The following TRPC5 variants were observed in gnomAD, a reference collection of about 807,000 sequenced individuals.
The protein encoded by TRPC5 is transient receptor potential cation channel subfamily C member 5, also known as short transient receptor potential channel 5.
In TRPC5, 9 loss-of-function variants were observed where a neutral mutation model predicts 56.5. That is an observed-to-expected ratio of 0.16 (90% CI 0.10 to 0.28). The LOEUF (loss-of-function observed/expected upper bound fraction) is 0.28, where lower values mean the gene tolerates loss of function less well. TRPC5 is among the 10% of genes least tolerant of loss of function. The probability of loss-of-function intolerance (pLI) is 1.00; values close to 1 mark genes in which losing one functional copy is unlikely to be tolerated. For synonymous variants in TRPC5, 282 were observed against 278.5 expected (o/e 1.01, Z -0.13); for missense variants, 469 against 748.9 (o/e 0.63, Z 4.36).
chrX:111,799,799 C>T (rs1272581150), intron 7 of TRPC5, among the ~76,000 whole-genome samples: 2 of 111,053 alleles, frequency 1.8e-5, no homozygotes, highest in African/African-American at 6.5e-5. Flanking sequence ...TGAAGGGTTT[C>T]AAGATATGGG....
intron 3 of TRPC5, among the ~76,000 whole-genome samples, chrX:111,911,461 T>G (rs766617575): frequency 8.9e-6 from 1 of 112,458 alleles, no homozygotes; most frequent in South Asian, 3.7e-4. Flanking sequence ...AATTCTATCC[T>G]CAGTTGCTCT....
intron 1 of TRPC5, among the ~76,000 whole-genome samples, chrX:112,026,532 C>T (rs1929416335): frequency 9.0e-6 from 1 of 111,699 alleles, no homozygotes; most frequent in Admixed American, 9.5e-5. Context: ...AAAAGAAGGT[C>T]ATGAAGCTAG....
chrX:111,876,191 T>A (rs1367082818), intron 3 of TRPC5: 1 of 110,956 alleles, frequency 9.0e-6, no homozygotes, highest in Non-Finnish European at 1.9e-5. Flanking sequence ...ATTAGAGAGG[T>A]AAGCCTTTGG....
At chrX:112,041,010 TCTC>T (rs1929877540) in intron 1 of TRPC5, among the ~76,000 whole-genome samples, 1 of 112,196 alleles carries the variant, frequency 8.9e-6, no homozygotes, top group Admixed American at 9.4e-5. Context: ...GTGTAAGACA[TCTC>T]CTTCAGAGTT....
chrX:111,944,859 C>G (rs763959783), intron 2 of TRPC5, among the ~76,000 whole-genome samples: 1 of 110,873 alleles, frequency 9.0e-6, no homozygotes, highest in East Asian at 2.9e-4. Context: ...CCAGAAGAAA[C>G]CAGCCATGCT....
chrX:111,864,409 T>G (rs1923491175), intron 3 of TRPC5, among the ~76,000 whole-genome samples: 1 of 112,701 alleles, frequency 8.9e-6, no homozygotes, highest in African/African-American at 3.2e-5. Flanking sequence ...TGTTGCTGAT[T>G]TTTTTAAACA....
chrX:111,769,023 TAATCTG>T lies in TRPC5; in HGVS notation c.*7284_*7289del, dbSNP rs773067682. Among the ~76,000 whole-genome samples, 1 of 112,169 alleles carries T rather than the reference TAATCTG, an allele frequency of 8.9e-6. No individual in the cohort carries two copies. The highest frequency in any genetic ancestry group is 1.9e-5 in the Non-Finnish European group (1 of 53,156). ...GACTAGATCTTATACAGGAAATACT[TAATCTG>T]AATATGTGACTTTCAAATGACCTGA... On this transcript the variant is annotated 3_prime_UTR_variant, in exon 11 of 11. Transcript: ENST00000262839.
At chrX:111,991,001 C>T in intron 1 of TRPC5, among the ~76,000 whole-genome samples, 1 of 112,090 alleles carries the variant, frequency 8.9e-6, no homozygotes, top group East Asian at 2.8e-4. Flanking sequence ...ACCCAGACAT[C>T]CGATTGCCAC....
In TRPC5 at chrX:111,795,650, C is replaced by A. The variant is rs150384563; in HGVS notation, c.1897-13512G>T. Among the ~76,000 whole-genome samples, 657 of 111,138 alleles carry A rather than the reference C, an allele frequency of 5.9e-3. 4 individuals carry two copies. Among genetic ancestry groups the A allele is most frequent in the African/African-American group, 0.02 (622 of 30,714 alleles). On this transcript the variant is annotated intron_variant, in intron 7 of 10. Coordinates refer to ENST00000262839, the MANE Select transcript of TRPC5 (RefSeq NM_012471.3). ...TTTTTCTCTTGCTGCTTTCAAGGTTCTTTGTTTGTCTTTCATTTTGTCAGT... is the reference window on the plus strand; with the variant it reads ...TTTTTCTCTTGCTGCTTTCAAGGTTATTTGTTTGTCTTTCATTTTGTCAGT...
At chrX:111,929,814 T>A (rs974809531) in intron 2 of TRPC5, among the ~76,000 whole-genome samples, 3 of 112,544 alleles carry the variant, frequency 2.7e-5, no homozygotes, top group African/African-American at 6.5e-5. Flanking sequence ...ATTGAGTATT[T>A]GTCTCCAGCT....
chrX:112,028,067 A>G (rs1929470104), intron 1 of TRPC5, among the ~76,000 whole-genome samples: 1 of 111,440 alleles, frequency 9.0e-6, no homozygotes, highest in Non-Finnish European at 1.9e-5. Context: ...AAATATCCCC[A>G]TGTACATATT....
chrX:111,837,357 AC>A (rs1396529819), intron 6 of TRPC5, among the ~76,000 whole-genome samples: 2 of 111,661 alleles, frequency 1.8e-5, no homozygotes, highest in Non-Finnish European at 3.8e-5. Context: ...CCTATTAGAT[AC>A]CAGAAATCAG....
chrX:111,850,032 A>G (rs555336209), intron 5 of TRPC5, among the ~76,000 whole-genome samples: 4 of 112,053 alleles, frequency 3.6e-5, no homozygotes, highest in Non-Finnish European at 7.5e-5. Context: ...GAACAGCCTA[A>G]TGTGGGGACT....
chrX:112,007,767 A>G (rs1256356496), intron 1 of TRPC5, among the ~76,000 whole-genome samples: 1 of 111,671 alleles, frequency 9.0e-6, no homozygotes, highest in Non-Finnish European at 1.9e-5. Context: ...CTCTCCATCC[A>G]GGTCACTCTG....
At chrX:112,046,258 T>C (rs1302395332) in intron 1 of TRPC5, among the ~76,000 whole-genome samples, 1 of 106,984 alleles carries the variant, frequency 9.3e-6, no homozygotes, top group Non-Finnish European at 1.9e-5. Flanking sequence ...AAAGAGCTTG[T>C]TCAAGGCTAT....
intron 3 of TRPC5, among the ~76,000 whole-genome samples, chrX:111,891,859 T>G (rs975023141): frequency 8.9e-6 from 1 of 112,404 alleles, no homozygotes; most frequent in Non-Finnish European, 1.9e-5. Context: ...TACACAGGAT[T>G]ATTATAAGTT....
intron 1 of TRPC5, among the ~76,000 whole-genome samples, chrX:111,979,911 G>C (rs1302370855): frequency 9.0e-6 from 1 of 111,631 alleles, no homozygotes; most frequent in Admixed American, 9.6e-5. Flanking sequence ...AACCAGCTTA[G>C]CAATTTCTTT....
intron 1 of TRPC5, among the ~76,000 whole-genome samples, chrX:112,007,368 C>A (rs1928870380): frequency 8.9e-6 from 1 of 112,018 alleles, no homozygotes; most frequent in African/African-American, 3.2e-5. Context: ...TGGTCTCTTG[C>A]TTTGCCATGA....
chrX:111,994,406 G>A (rs763824343), intron 1 of TRPC5, among the ~76,000 whole-genome samples: 183 of 111,561 alleles, frequency 1.6e-3, no homozygotes, highest in African/African-American at 5.4e-3. Context: ...GGTTCCATAT[G>A]AAGTTTAAAG....
Sources: allele counts gnomAD v4.1 joint callset (sites outside exome capture counted in the v4.1 genomes callset), GRCh38; gene constraint gnomAD v4.1.1; transcripts MANE v1.5; gene names NCBI Gene and HGNC (gene_info 2026-07-23, HGNC 2026-07-21).